PTPRG: variants seen among roughly 807,000 people sequenced by gnomAD.
The protein encoded by PTPRG is protein tyrosine phosphatase receptor type G, also known as receptor-type tyrosine-protein phosphatase gamma.
In PTPRG, 102 loss-of-function variants were observed where a neutral mutation model predicts 165.3. The observed-to-expected ratio is 0.62, with a 90% CI of 0.53 to 0.73. The LOEUF is 0.73. PTPRG is among the 30% of genes least tolerant of loss of function. The pLI is 0.00. For missense variants in PTPRG, 1,866 were observed against 1,861.4 expected, an observed-to-expected ratio of 1.00 and a Z score of -0.05; for synonymous variants, 675 against 669.5, an observed-to-expected ratio of 1.01 and a Z score of -0.13.
chr3:62,048,296 GATAATGGGTATTGTA>G (rs1700362180), intron 4 of PTPRG, among the ~76,000 whole-genome samples: 1 of 152,176 alleles, frequency 6.6e-6, no homozygotes, highest in African/African-American at 2.4e-5. Flanking sequence ...GGTCCAGGTG[GATAATGGGTATTGTA>G]ACCTGCTTGC....
At chr3:61,563,006 C>T (rs1312013459) in intron 1 of PTPRG, among the ~76,000 whole-genome samples, 1 of 152,054 alleles carries the variant, frequency 6.6e-6, no homozygotes, top group African/African-American at 2.4e-5. Flanking sequence ...AGGCAGCCTC[C>T]TTGGGCGCAG....
chr3:61,866,582 CTTTTTTTTTTTTTT>C (rs532356516), intron 2 of PTPRG, among the ~76,000 whole-genome samples: 83 of 69,110 alleles, frequency 1.2e-3, no homozygotes, highest in Admixed American at 1.7e-3. Context: ...ACTGTTTGCT[CTTTTTTTTTTTTTT>C]TTTTTTTTTT....
intron 1 of PTPRG, among the ~76,000 whole-genome samples, chr3:61,727,590 A>G (rs765923456): frequency 1.3e-5 from 2 of 152,214 alleles, no homozygotes; most frequent in Non-Finnish European, 2.9e-5. Context: ...CGTAAGTTAC[A>G]AAGGCATGCC....
chr3:61,669,461 A>G (rs1349870043), intron 1 of PTPRG, among the ~76,000 whole-genome samples: 1 of 152,182 alleles, frequency 6.6e-6, no homozygotes, highest in Admixed American at 6.5e-5. Context: ...CAGTGTCTGC[A>G]GGGGCATCCA....
intron 1 of PTPRG, among the ~76,000 whole-genome samples, chr3:61,634,559 TA>T (rs746534889): frequency 1.3e-5 from 2 of 151,846 alleles, no homozygotes; most frequent in Admixed American, 6.6e-5. Flanking sequence ...GTTTTTTTTT[TA>T]AACCATGAAG....
intron 5 of PTPRG, among the ~76,000 whole-genome samples, chr3:62,089,978 C>G (rs1308346135): frequency 6.6e-6 from 1 of 152,118 alleles, no homozygotes; most frequent in East Asian, 1.9e-4. Flanking sequence ...TATCAACTGG[C>G]CATTGTCAAC....
chr3:61,893,182 T>C (rs904381319), intron 2 of PTPRG, among the ~76,000 whole-genome samples: 10 of 152,210 alleles, frequency 6.6e-5, no homozygotes, highest in African/African-American at 2.2e-4. Context: ...AATTTAAGAA[T>C]TTATCAATGT....
rs1700681694 is a variant in PTPRG, at chr3:62,222,949, G to A, written c.2288+3966G>A. On this transcript the variant is annotated intron_variant, in intron 13 of 29. Coordinates refer to ENST00000474889, the MANE Select transcript of PTPRG (RefSeq NM_002841.4). The surrounding 1 kb of genome is among the most constrained non-coding windows in gnomAD (Gnocchi z 4.5). ...AGTTGCTATAACAGCATATAGGAAG[G>A]GCTTCAGCCCAACCTGGAATAGGGG... is the stretch of plus-strand genomic sequence containing the variant. 6.6e-6 allele frequency among the ~76,000 whole-genome samples: 1 copy of A among 152,078 alleles called. No individual in the cohort carries two copies. The highest frequency in any genetic ancestry group is 2.1e-4 in the South Asian group (1 of 4,830).
chr3:61,723,299 A>G lies in PTPRG; in HGVS notation c.86-25579A>G, dbSNP rs374930502. Among the ~76,000 whole-genome samples the G allele has an allele frequency of 3.6e-4, 55 of 152,162 alleles. No homozygotes were observed. The East Asian group carries it at 9.1e-3, about 25-fold the overall frequency. On this transcript the variant is annotated intron_variant, in intron 1 of 29. Coordinates refer to ENST00000474889, the MANE Select transcript of PTPRG (RefSeq NM_002841.4). Reference sequence around the variant, plus strand: ...TTCTTTTTACTGTCACAACAGCATTAATTTTCATGGCCTGATGATCTGTTG... The same window carrying G: ...TTCTTTTTACTGTCACAACAGCATTGATTTTCATGGCCTGATGATCTGTTG...
intron 2 of PTPRG, among the ~76,000 whole-genome samples, chr3:61,798,048 A>G (rs2035108719): frequency 6.6e-6 from 1 of 152,194 alleles, no homozygotes; most frequent in African/African-American, 2.4e-5. Context: ...TACTGTTGAG[A>G]CAGTTATGGT....
intron 1 of PTPRG, among the ~76,000 whole-genome samples, chr3:61,623,354 G>C (rs1701513891): frequency 6.6e-6 from 1 of 152,196 alleles, no homozygotes; most frequent in South Asian, 2.1e-4. Flanking sequence ...ACAACTGCAT[G>C]GTTAAGGCAG....
intron 2 of PTPRG, among the ~76,000 whole-genome samples, chr3:61,938,023 G>A (rs531133787): frequency 2.6e-5 from 4 of 151,172 alleles, no homozygotes; most frequent in African/African-American, 9.7e-5. Flanking sequence ...CTATAATACC[G>A]ACTTTTCCTT....
intron 2 of PTPRG, among the ~76,000 whole-genome samples, chr3:61,818,911 T>C (rs1429426692): frequency 1.3e-5 from 2 of 150,088 alleles, no homozygotes; most frequent in Admixed American, 6.6e-5. Flanking sequence ...AGTGAAATAG[T>C]GGCCCTTTAA....
intron 2 of PTPRG, among the ~76,000 whole-genome samples, chr3:61,865,685 AG>A (rs2107420278): frequency 6.6e-6 from 1 of 152,266 alleles, no homozygotes; most frequent in African/African-American, 2.4e-5. Flanking sequence ...AGCATGACAG[AG>A]CCCCTTTGTC....
intron 2 of PTPRG, among the ~76,000 whole-genome samples, chr3:61,752,645 G>T (rs1467911104): frequency 1.3e-5 from 2 of 151,736 alleles, no homozygotes; most frequent in Non-Finnish European, 2.9e-5. Context: ...AATTAGCTGG[G>T]TGTGGTGGCG....
At chr3:62,097,234 A>G (rs550003042) in intron 5 of PTPRG, among the ~76,000 whole-genome samples, 40 of 152,318 alleles carry the variant, frequency 2.6e-4, no homozygotes, top group African/African-American at 7.9e-4. Flanking sequence ...CGCCCTTTTC[A>G]GTTCCTTCAG....
intron 7 of PTPRG, among the ~76,000 whole-genome samples, chr3:62,160,076 A>G (rs1704690201): frequency 6.6e-6 from 1 of 152,220 alleles, no homozygotes; most frequent in Admixed American, 6.5e-5. Flanking sequence ...GAAAGAAAAC[A>G]TTCCTAGTCT....
chr3:62,147,894 G>A (rs1397350042), intron 6 of PTPRG, among the ~76,000 whole-genome samples: 2 of 152,140 alleles, frequency 1.3e-5, no homozygotes, highest in Non-Finnish European at 2.9e-5. Flanking sequence ...GGTGGCTCAC[G>A]CCTGTAATCC....
At chr3:61,598,758 GT>G (rs1380798467) in intron 1 of PTPRG, among the ~76,000 whole-genome samples, 1 of 152,146 alleles carries the variant, frequency 6.6e-6, no homozygotes, top group East Asian at 1.9e-4. Context: ...TGTAGGCAGA[GT>G]TGGTTCCTTC....
Sources: allele counts gnomAD v4.1 joint callset (sites outside exome capture counted in the v4.1 genomes callset), GRCh38; gene constraint gnomAD v4.1.1; non-coding constraint Gnocchi (gnomAD v3.1); transcripts MANE v1.5; gene names NCBI Gene and HGNC (gene_info 2026-07-23, HGNC 2026-07-21).